TFCP2L1: variants seen among roughly 807,000 people sequenced by gnomAD.
The protein encoded by TFCP2L1 is transcription factor CP2 like 1.
Under a neutral mutation model 72.2 loss-of-function variants are expected in TFCP2L1, and 12 were observed. The observed-to-expected ratio is 0.17, with a 90% CI of 0.11 to 0.27. TFCP2L1 has a LOEUF of 0.27. TFCP2L1 is among the 10% of genes least tolerant of loss of function. The pLI is 1.00. For synonymous variants in TFCP2L1, 260 were observed against 251.0 expected (o/e 1.04, Z -0.34); for missense variants, 488 against 624.6 (o/e 0.78, Z 2.33).
intron 7 of TFCP2L1, 37 bp downstream of exon 7, chr2:121,242,321 AC>A (rs777166164): frequency 1.9e-6 from 3 of 1,572,748 alleles, no homozygotes; most frequent in Non-Finnish European, 2.6e-6. Flanking sequence ...CTGGTGGAAG[AC>A]CCTTGGAGGC....
chr2:121,256,163 A>G (rs576393411), intron 2 of TFCP2L1, among the ~76,000 whole-genome samples: 3 of 152,314 alleles, frequency 2.0e-5, no homozygotes, highest in Non-Finnish European at 4.4e-5. Context: ...ACCAAGATGG[A>G]CCTAGAACTC....
intron 6 of TFCP2L1, among the ~76,000 whole-genome samples, chr2:121,242,857 G>C (rs1573369938): frequency 6.6e-6 from 1 of 152,298 alleles, no homozygotes; most frequent in East Asian, 1.9e-4. Context: ...GCCATAAGCT[G>C]AAGGCCTCCT....
In TFCP2L1 at chr2:121,239,656, G is replaced by A; in HGVS notation, c.769-7C>T. ...CGTCGGGCCATGGAGAGCACTGCAG[G>A]AGAGAGCACAGGGCGAGCTGGGATC... On this transcript the variant is annotated splice_polypyrimidine_tract_variant and splice_region_variant and intron_variant, in intron 7 of 14. Transcript: ENST00000263707. 2 of 1,613,362 alleles carry A rather than the reference G, an allele frequency of 1.2e-6. No individual in the cohort carries two copies. Among genetic ancestry groups the A allele is most frequent in the Non-Finnish European group, 8.5e-7 (1 of 1,179,576 alleles).
chr2:121,236,623 TG>T (rs1321008520), intron 10 of TFCP2L1, among the ~76,000 whole-genome samples: 3 of 152,170 alleles, frequency 2.0e-5, no homozygotes, highest in Admixed American at 6.5e-5. Flanking sequence ...TCCTTTCCAC[TG>T]GGAGTAAAAG....
chr2:121,233,418 G>T (rs1686183812), intron 12 of TFCP2L1, among the ~76,000 whole-genome samples: 1 of 152,264 alleles, frequency 6.6e-6, no homozygotes, highest in African/African-American at 2.4e-5. Flanking sequence ...GCCCGCCTTG[G>T]CCTCCCAAAG....
In TFCP2L1 at chr2:121,278,258, G is replaced by A. The variant is rs1237973446; in HGVS notation, c.214+2862C>T. On this transcript the variant is annotated intron_variant, in intron 2 of 14. Transcript: ENST00000263707. ...TCACCTTGTTAGCCAGGATGGTCTC[G>A]ATCTCCTGACCTCATGATCCACCCG... Among the ~76,000 whole-genome samples, 76 of 148,128 alleles carry A rather than the reference G, an allele frequency of 5.1e-4. 1 individual carries two copies. Among genetic ancestry groups the A allele is most frequent in the African/African-American group, 1.6e-3 (67 of 40,798 alleles).
intron 13 of TFCP2L1, among the ~76,000 whole-genome samples, chr2:121,226,779 C>A (rs1686039417): frequency 6.6e-6 from 1 of 152,220 alleles, no homozygotes; most frequent in South Asian, 2.1e-4. Flanking sequence ...GCAACAGGAA[C>A]TGGTGTCCAC....
chr2:121,231,760 G>A, intron 13 of TFCP2L1, 66 bp downstream of exon 13: 1 of 1,581,366 alleles, frequency 6.3e-7, no homozygotes, highest in East Asian at 2.3e-5. Context: ...TTCTGGGGCA[G>A]GGGTTCTGAC....
At chr2:121,257,081 C>T (rs1246158231) in intron 2 of TFCP2L1, among the ~76,000 whole-genome samples, 3 of 152,178 alleles carry the variant, frequency 2.0e-5, no homozygotes, top group Non-Finnish European at 4.4e-5. Flanking sequence ...CACTGTCAGG[C>T]TGTTAAAGGC....
chr2:121,236,232 AT>A (rs995622075), intron 10 of TFCP2L1, among the ~76,000 whole-genome samples: 1 of 152,100 alleles, frequency 6.6e-6, no homozygotes, highest in African/African-American at 2.4e-5. Flanking sequence ...GTCTTTGTTC[AT>A]TACACAAGGT....
At chr2:121,279,559 G>A (rs561958700) in intron 2 of TFCP2L1, among the ~76,000 whole-genome samples, 1 of 152,350 alleles carries the variant, frequency 6.6e-6, no homozygotes, top group South Asian at 2.1e-4. Context: ...CTTCTACCCA[G>A]AGGGAGGCAG....
chr2:121,278,952 C>T (rs759185802), intron 2 of TFCP2L1, among the ~76,000 whole-genome samples: 4 of 151,836 alleles, frequency 2.6e-5, no homozygotes, highest in Non-Finnish European at 4.4e-5. Context: ...TGCAGTGAAC[C>T]GAGATCGTGT....
intron 2 of TFCP2L1, among the ~76,000 whole-genome samples, chr2:121,254,921 G>A (rs1021611297): frequency 6.6e-6 from 1 of 152,180 alleles, no homozygotes; most frequent in African/African-American, 2.4e-5. Context: ...CTGTGGCAAA[G>A]CCCACTCAAG....
At chr2:121,226,945 C>G (rs765817282) in intron 13 of TFCP2L1, among the ~76,000 whole-genome samples, 1 of 152,186 alleles carries the variant, frequency 6.6e-6, no homozygotes, top group Non-Finnish European at 1.5e-5. Flanking sequence ...CTGGTTAGCG[C>G]AGCACCGTCT....
Position 121,285,134 on chromosome 2 carries a change from CG to C in TFCP2L1, c.-26del. The stretch of plus-strand genomic sequence containing the variant: ...TGGCTGGAACTCCCAGCGCGCCGAC[CG>C]GGGCGCGGCAGCAAGCGCAGACGCG... On this transcript the variant is annotated 5_prime_UTR_variant, in exon 1 of 15. Coordinates refer to ENST00000263707, the MANE Select transcript of TFCP2L1 (RefSeq NM_014553.3). 3 of 1,473,308 alleles carry C rather than the reference CG, an allele frequency of 2.0e-6. No individual in the cohort carries two copies. The highest frequency in any genetic ancestry group is 2.4e-5 in the Admixed American group (1 of 41,602). The allele number at this position is 1,473,308 out of a possible 1,614,324, so 91.3% of individuals were successfully genotyped here.
At chr2:121,248,103 T>C in intron 5 of TFCP2L1, 61 bp downstream of exon 5, 1 of 1,480,352 alleles carries the variant, frequency 6.8e-7, no homozygotes, top group Non-Finnish European at 9.3e-7. Flanking sequence ...TTTGAGAAAC[T>C]GCACGCAGGC....
intron 2 of TFCP2L1, among the ~76,000 whole-genome samples, chr2:121,267,152 A>G (rs1686948109): frequency 6.6e-6 from 1 of 152,140 alleles, no homozygotes; most frequent in Admixed American, 6.5e-5. Flanking sequence ...TCCTGGCCTC[A>G]ATCAATCCAC....
chr2:121,273,736 C>G (rs1476372311), intron 2 of TFCP2L1, among the ~76,000 whole-genome samples: 2 of 152,152 alleles, frequency 1.3e-5, no homozygotes, highest in Non-Finnish European at 2.9e-5. Flanking sequence ...GATGGCTTCA[C>G]AAGAATAATG....
At chr2:121,224,757 C>T (rs989925340) in intron 14 of TFCP2L1, among the ~76,000 whole-genome samples, 4 of 151,778 alleles carry the variant, frequency 2.6e-5, no homozygotes, top group East Asian at 1.9e-4. Flanking sequence ...CCAAGGCAGG[C>T]GGATCTCGAG....
Sources: gnomAD v4.1 joint callset for allele counts (sites outside exome capture counted in the v4.1 genomes callset) on GRCh38, gnomAD v4.1.1 for gene constraint, MANE v1.5 for transcripts, NCBI Gene and HGNC (gene_info 2026-07-23, HGNC 2026-07-21) for gene names.